The following PCDH9 variants were observed in gnomAD, a reference collection of about 807,000 sequenced individuals.
PCDH9 encodes the protein protocadherin 9.
Under a neutral mutation model 70.6 loss-of-function variants are expected in PCDH9, and 24 were observed. The ratio of observed to expected loss-of-function variants is 0.34; its 90% confidence interval spans 0.25 to 0.48. PCDH9 has a LOEUF of 0.48. PCDH9 is among the 20% of genes least tolerant of loss of function. The probability of loss-of-function intolerance (pLI) is 0.99; values close to 1 mark genes in which losing one functional copy is unlikely to be tolerated. For synonymous variants in PCDH9, 562 were observed against 558.5 expected, an observed-to-expected ratio of 1.01 and a Z score of -0.09; for missense variants, 1,281 against 1,503.6, an observed-to-expected ratio of 0.85 and a Z score of 2.45.
intron 3 of PCDH9, among the ~76,000 whole-genome samples, chr13:66,729,884 T>C (rs540243431): frequency 1.3e-5 from 2 of 152,288 alleles, no homozygotes; most frequent in African/African-American, 2.4e-5. Flanking sequence ...CCATTTTACA[T>C]GTTTGACTTC....
At chr13:66,452,449 C>T (rs1452179418) in intron 4 of PCDH9, among the ~76,000 whole-genome samples, 1 of 152,100 alleles carries the variant, frequency 6.6e-6, no homozygotes, top group Non-Finnish European at 1.5e-5. Flanking sequence ...TCTGACTGTT[C>T]CCTCTTCCTC....
chr13:66,426,839 G>A (rs913824420), intron 4 of PCDH9, among the ~76,000 whole-genome samples: 1 of 151,320 alleles, frequency 6.6e-6, no homozygotes, highest in Non-Finnish European at 1.5e-5. Context: ...AAATGTCCAA[G>A]CAGAGTTCAA....
chr13:66,709,881 A>G (rs2078769087), intron 3 of PCDH9, among the ~76,000 whole-genome samples: 1 of 152,166 alleles, frequency 6.6e-6, no homozygotes, highest in South Asian at 2.1e-4. Context: ...TCATTTAAGA[A>G]GAAATATCCA....
intron 3 of PCDH9, among the ~76,000 whole-genome samples, chr13:66,729,326 A>T (rs1317426167): frequency 1.3e-5 from 2 of 152,094 alleles, no homozygotes; most frequent in East Asian, 1.9e-4. Flanking sequence ...TCAGGCTCTT[A>T]TTATTTTACT....
At position 67,027,839 on chromosome 13, in the gene PCDH9, C is replaced by T. The variant is rs1256007182; in HGVS notation, c.3037-124234G>A. 1.5e-3 allele frequency among the ~76,000 whole-genome samples: 231 copies of T among 151,886 alleles called. 1 individual carries two copies. Among genetic ancestry groups the T allele is most frequent in the Non-Finnish European group, 6.5e-4 (44 of 67,880 alleles). ...AAAAATGCTCACCATCACTGGCCATCAGAGAAATGCAAATCAAAACCACAA... is the reference window on the plus strand; with the variant it reads ...AAAAATGCTCACCATCACTGGCCATTAGAGAAATGCAAATCAAAACCACAA... On this transcript the variant is annotated intron_variant, in intron 2 of 4. Transcript: ENST00000377865.
chr13:66,623,941 G>A (rs1214315617), intron 4 of PCDH9, among the ~76,000 whole-genome samples: 1 of 152,186 alleles, frequency 6.6e-6, no homozygotes, highest in Non-Finnish European at 1.5e-5. Context: ...TTCATCAACT[G>A]ATTAGTAACA....
chr13:66,410,468 C>T (rs1156918607), intron 4 of PCDH9, among the ~76,000 whole-genome samples: 1 of 152,196 alleles, frequency 6.6e-6, no homozygotes, highest in Non-Finnish European at 1.5e-5. Context: ...ATGTCACTTT[C>T]TGATTAATTT....
At chr13:66,882,718 T>G (rs896950695) in intron 3 of PCDH9, among the ~76,000 whole-genome samples, 3 of 152,154 alleles carry the variant, frequency 2.0e-5, no homozygotes, top group Non-Finnish European at 2.9e-5. Context: ...ATCCAAGGTA[T>G]CAGCAACTAC....
At chr13:67,076,955 C>G (rs904130212) in intron 2 of PCDH9, among the ~76,000 whole-genome samples, 2 of 152,042 alleles carry the variant, frequency 1.3e-5, no homozygotes, top group African/African-American at 4.8e-5. Flanking sequence ...TTAATATATA[C>G]AAAATCTGAA....
At chr13:66,650,163 T>C (rs1474222969) in intron 3 of PCDH9, among the ~76,000 whole-genome samples, 1 of 151,680 alleles carries the variant, frequency 6.6e-6, no homozygotes, top group Non-Finnish European at 1.5e-5. Context: ...GTAAATGAAC[T>C]AAACTGTCCA....
Position 66,413,133 on chromosome 13 carries a change from T to C in PCDH9, c.3341-108105A>G, listed in dbSNP as rs143974770. On this transcript the variant is annotated intron_variant, in intron 4 of 4. Coordinates refer to ENST00000377865, the MANE Select transcript of PCDH9 (RefSeq NM_203487.3). ...ACCAGGAAAAAAATGCAAGTGCTTCTAATTCATTCCCTCTCTTTCCATAAC... is the reference window on the plus strand; with the variant it reads ...ACCAGGAAAAAAATGCAAGTGCTTCCAATTCATTCCCTCTCTTTCCATAAC... Among the ~76,000 whole-genome samples the C allele has an allele frequency of 9.7e-3, 1,482 of 152,334 alleles. 24 individuals carry two copies. Among genetic ancestry groups the C allele is most frequent in the African/African-American group, 0.033 (1,375 of 41,582 alleles).
In PCDH9 at chr13:66,623,116, T is replaced by G. The variant is rs570407652; in HGVS notation, c.3340+8094A>C. On this transcript the variant is annotated intron_variant, in intron 4 of 4. Transcript: ENST00000377865. The stretch of plus-strand genomic sequence containing the variant: ...GAACAAACTCCAGACACGCCGCCTT[T>G]AAGAACTGTAACACTCACCGCGAGG... Among the ~76,000 whole-genome samples the G allele has an allele frequency of 2.0e-5, 3 of 152,348 alleles. No individual in the cohort carries two copies. In the East Asian group the frequency reaches 5.8e-4, roughly 29 times the overall value.
At chr13:66,432,654 C>G (rs1957793184) in intron 4 of PCDH9, among the ~76,000 whole-genome samples, 1 of 151,878 alleles carries the variant, frequency 6.6e-6, no homozygotes. Flanking sequence ...TTCTTCTCAT[C>G]TTTTGGGACC....
chr13:67,147,978 T>C (rs945859432), intron 2 of PCDH9, among the ~76,000 whole-genome samples: 4 of 152,138 alleles, frequency 2.6e-5, no homozygotes, highest in Non-Finnish European at 5.9e-5. Context: ...AAAAGTGTAA[T>C]ATAAAGCAGA....
intron 2 of PCDH9, among the ~76,000 whole-genome samples, chr13:66,994,225 C>A (rs1453346334): frequency 6.6e-6 from 1 of 152,120 alleles, no homozygotes; most frequent in Non-Finnish European, 1.5e-5. Context: ...AGTGATGAAA[C>A]TGATTCCAGG....
chr13:67,132,630 T>G (rs1594555605), intron 2 of PCDH9, among the ~76,000 whole-genome samples: 1 of 151,974 alleles, frequency 6.6e-6, no homozygotes, highest in East Asian at 1.9e-4. Context: ...TCTAAGAGAC[T>G]GTAAGAATGG....
At chr13:67,047,380 T>C (rs1290317575) in intron 2 of PCDH9, among the ~76,000 whole-genome samples, 1 of 152,230 alleles carries the variant, frequency 6.6e-6, no homozygotes, top group Non-Finnish European at 1.5e-5. Flanking sequence ...TAGGATGACA[T>C]CTGCAATAGA....
intron 3 of PCDH9, among the ~76,000 whole-genome samples, chr13:66,716,957 A>G (rs1262337779): frequency 6.6e-6 from 1 of 152,182 alleles, no homozygotes; most frequent in Non-Finnish European, 1.5e-5. Flanking sequence ...TTCAGGCCTC[A>G]GAAAACCCAG....
At chr13:66,930,468 A>C (rs2082788616) in intron 2 of PCDH9, among the ~76,000 whole-genome samples, 1 of 152,158 alleles carries the variant, frequency 6.6e-6, no homozygotes, top group African/African-American at 2.4e-5. Flanking sequence ...CATTCCATAT[A>C]GCCTTTGATC....
Sources: gnomAD v4.1 joint callset for allele counts (sites outside exome capture counted in the v4.1 genomes callset) on GRCh38, gnomAD v4.1.1 for gene constraint, MANE v1.5 for transcripts, NCBI Gene and HGNC (gene_info 2026-07-23, HGNC 2026-07-21) for gene names.